Variants in ADAM33 observed in about 807,000 individuals in gnomAD.
ADAM33 encodes the protein ADAM metallopeptidase domain 33, also known as disintegrin and metalloproteinase domain-containing protein 33.
In ADAM33, 103 loss-of-function variants were observed where a neutral mutation model predicts 106.2. The observed-to-expected ratio is 0.97, with a 90% confidence interval of 0.83 to 1.14. The LOEUF is 1.14. ADAM33 is among the 50% of genes most tolerant of loss of function. The probability of loss-of-function intolerance (pLI) is 0.00; values close to 1 mark genes in which losing one functional copy is unlikely to be tolerated. For missense variants in ADAM33, 1,120 were observed against 1,096.6 expected, an observed-to-expected ratio of 1.02 and a Z score of -0.30; for synonymous variants, 483 against 453.0, an observed-to-expected ratio of 1.07 and a Z score of -0.84.
chr20:3,681,500 C>A (rs973724942), intron 1 of ADAM33, among the ~76,000 whole-genome samples: 1 of 152,154 alleles, frequency 6.6e-6, no homozygotes, highest in Non-Finnish European at 1.5e-5. Flanking sequence ...GAGGACGGAG[C>A]CCCGCTGAGT....
At position 3,679,543 on chromosome 20, in the gene ADAM33, CG is replaced by C; in HGVS notation, c.125del (p.Pro42ArgfsTer52). On this transcript the variant is annotated frameshift_variant, in exon 2 of 22. Transcript: ENST00000356518. LOFTEE classifies it high-confidence loss of function. Reference protein sequence around the residue: ...QGHIPGQPVTPHWVLDGQPWR... With the variant: ...QGHIPGQPVTXHWVLDGQPWR... The stretch of plus-strand genomic sequence containing the variant: ...AGGGTTGTCCATCCAGGACCCAGTG[CG>C]GGGTGACTGGCTGCCCAGGGATATG... The C allele has an allele frequency of 6.2e-7, 1 of 1,610,350 alleles. No individual in the cohort carries two copies. Among genetic ancestry groups the C allele is most frequent in the Non-Finnish European group, 8.5e-7 (1 of 1,178,506 alleles).
chr20:3,671,195 G>T (rs748854822), intron 18 of ADAM33, 42 bp from the exon 19 acceptor site: 1 of 1,612,638 alleles, frequency 6.2e-7, no homozygotes, highest in African/African-American at 1.3e-5. Context: ...CTGAGCAGGT[G>T]CACCACCCCA....
chr20:3,674,139 G>A lies in ADAM33; in HGVS notation c.667-4C>T, dbSNP rs570154635. 1.5e-5 allele frequency: 25 copies of A among 1,614,212 alleles called. No homozygotes were observed. The South Asian group carries it at 2.7e-4, about 18-fold the overall frequency. ...AGTTTCGGTGCCGAGTCAAGAACTGGGAAGGCAGAAATCCCGGTGGCTTGA... is the reference window on the plus strand; with the variant it reads ...AGTTTCGGTGCCGAGTCAAGAACTGAGAAGGCAGAAATCCCGGTGGCTTGA... On this transcript the variant is annotated splice_polypyrimidine_tract_variant and splice_region_variant and intron_variant, in intron 7 of 21. Transcript: ENST00000356518.
Position 3,673,629 on chromosome 20 carries a change from C to T in ADAM33, c.935G>A (p.Gly312Asp). ...TGRAFQGATVGLAPVEGMCRA... is the reference protein window; with the variant it reads ...TGRAFQGATVDLAPVEGMCRA... The stretch of plus-strand genomic sequence containing the variant: ...GCACATGCCCTCGACGGGCGCCAGG[C>T]CCACTGTGGCGCCCTGGAAGGCGCG... Residue 312 changes from glycine (G) to aspartate (D), a missense_variant, in exon 10 of 22, where the codon GGC becomes GAC. Gly to Asp is a moderately conservative substitution (Grantham distance 94, BLOSUM62 -1). Transcript: ENST00000356518. 1 of 1,354,800 alleles carries T rather than the reference C, an allele frequency of 7.4e-7. No homozygotes were observed. The highest frequency in any genetic ancestry group is 9.4e-7 in the Non-Finnish European group (1 of 1,060,840). The allele number at this position is 1,354,800 out of a possible 1,614,324, so 83.9% of individuals were successfully genotyped here.
At position 3,682,001 on chromosome 20, in the gene ADAM33, C is replaced by G. The variant is rs776906720; in HGVS notation, c.4G>C (p.Gly2Arg). M[G>R]WRPRRARGTP... ...CCCCGAGCTCTCCGGGGCCTCCAGC[C>G]CATAGCTGTGAGCTCCTCGGCCTCT... The change falls in exon 1 of 22, where the codon GGC becomes CGC. Residue 2 changes from glycine to arginine, a missense_variant. Transcript: ENST00000356518. 6.6e-7 allele frequency: 1 copy of G among 1,519,564 alleles called. No individual in the cohort carries two copies. Among genetic ancestry groups the G allele is most frequent in the Non-Finnish European group, 8.8e-7 (1 of 1,133,146 alleles). The allele number at this position is 1,519,564 out of a possible 1,614,324, so 94.1% of individuals were successfully genotyped here.
In ADAM33 at chr20:3,670,957, G is replaced by A; in HGVS notation, c.2240+49C>T. Reference sequence around the variant, plus strand: ...TCCCACAGCCCCAGCAGAGCTCTGAGGAGGGGAACCGCAGGAGTAGGCTCA... The same window carrying A: ...TCCCACAGCCCCAGCAGAGCTCTGAAGAGGGGAACCGCAGGAGTAGGCTCA... On this transcript the variant is annotated intron_variant, in intron 19 of 21. Transcript: ENST00000356518. 2.0e-6 allele frequency: 3 copies of A among 1,508,712 alleles called. No individual in the cohort carries two copies. The South Asian group carries it at 3.8e-5, about 19-fold the overall frequency. The allele number at this position is 1,508,712 out of a possible 1,614,324, so 93.5% of individuals were successfully genotyped here.
Position 3,668,563 on chromosome 20 carries a change from T to C in ADAM33, c.*400A>G. ...ACCATAGGGCCCCAGGACCACTAGCTTCTGGCCAGCAGTCATGCCCTCCAC... is the reference window on the plus strand; with the variant it reads ...ACCATAGGGCCCCAGGACCACTAGCCTCTGGCCAGCAGTCATGCCCTCCAC... On this transcript the variant is annotated 3_prime_UTR_variant, in exon 22 of 22. Transcript: ENST00000356518. The C allele has an allele frequency of 3.9e-6, 1 of 256,120 alleles. No homozygotes were observed. The highest frequency in any genetic ancestry group is 7.6e-6 in the Non-Finnish European group (1 of 131,082). The allele number at this position is 256,120 out of a possible 1,614,324, so 15.9% of individuals were successfully genotyped here.
At chr20:3,672,932 G>C in intron 11 of ADAM33, 34 bp from the exon 12 acceptor site, 2 of 1,513,842 alleles carry the variant, frequency 1.3e-6, no homozygotes, top group Non-Finnish European at 8.8e-7. Flanking sequence ...GGCATGGAGG[G>C]ACAGTCCCCC....
At position 3,671,421 on chromosome 20, in the gene ADAM33, C is replaced by T. The variant is rs368984072; in HGVS notation, c.1981G>A (p.Gly661Arg). ...QRCLTACHSH[G>R]VCNSNHNCHC... The stretch of plus-strand genomic sequence containing the variant: ...ACCCCCACTCCTCGGGCTCTCACCC[C>T]GTGGCTGTGGCAGGCAGTCAGGCAG... Residue 661 changes from glycine (G) to arginine (R), a missense_variant and splice_region_variant, in exon 17 of 22, where the codon GGG becomes AGG. Coordinates refer to ENST00000356518, the MANE Select transcript of ADAM33 (RefSeq NM_025220.5). 21 of 1,612,490 alleles carry T rather than the reference C, an allele frequency of 1.3e-5. No individual in the cohort carries two copies. Among genetic ancestry groups the T allele is most frequent in the African/African-American group, 8.0e-5 (6 of 74,932 alleles).
intron 3 of ADAM33, 34 bp downstream of exon 3, chr20:3,677,033 C>G (rs762631652): frequency 6.2e-7 from 1 of 1,608,126 alleles, no homozygotes; most frequent in Admixed American, 1.7e-5. Context: ...ACACTGATCC[C>G]CTCCTCCCAG....
rs1186251564 is a variant in ADAM33 at position 3,669,009 on chromosome 20, G to A, written c.2405-9C>T. The A allele has an allele frequency of 1.2e-6, 2 of 1,613,984 alleles. No homozygotes were observed. Among genetic ancestry groups the A allele is most frequent in the East Asian group, 2.2e-5 (1 of 44,872 alleles). ...CATCTGGACTTGATCTGCTGAGAAT[G>A]AGGAGGATATGTTGTCCCCTAAGGA... On this transcript the variant is annotated splice_polypyrimidine_tract_variant and intron_variant, in intron 21 of 21. Coordinates refer to ENST00000356518, the MANE Select transcript of ADAM33 (RefSeq NM_025220.5).
At position 3,674,030 on chromosome 20, in the gene ADAM33, C is replaced by A. The variant is rs1174491554; in HGVS notation, c.738+34G>T. The A allele has an allele frequency of 1.9e-6, 3 of 1,613,232 alleles. No homozygotes were observed. The African/African-American group carries it at 4.0e-5, about 22-fold the overall frequency. On this transcript the variant is annotated intron_variant, in intron 8 of 21. Coordinates refer to ENST00000356518, the MANE Select transcript of ADAM33 (RefSeq NM_025220.5). ...GCACCTGCCTGTCCTGCCGCCGCCA[C>A]CCCCATCACCGCTCTCTCCCCGCCG...
At chr20:3,673,051 A>G in intron 11 of ADAM33, 153 bp from the exon 12 acceptor site, 1 of 1,437,932 alleles carries the variant, frequency 7.0e-7, no homozygotes, top group Admixed American at 2.8e-5. Context: ...CAAGCGGGAC[A>G]GGGGACGATG....
intron 19 of ADAM33, chr20:3,670,748 A>C: frequency 2.1e-6 from 1 of 467,322 alleles, no homozygotes; most frequent in South Asian, 4.3e-5. Flanking sequence ...GAAGCAGGAG[A>C]GTGGACAAGA....
intron 13 of ADAM33, 72 bp from the exon 14 acceptor site, chr20:3,672,401 G>C (rs2087600083): frequency 1.3e-6 from 2 of 1,580,784 alleles, no homozygotes; most frequent in South Asian, 1.2e-5. Flanking sequence ...CCGAGAGCGC[G>C]GCTCGGAGCT....
intron 6 of ADAM33, 42 bp downstream of exon 6, chr20:3,674,462 T>G: frequency 6.2e-7 from 1 of 1,609,194 alleles, no homozygotes; most frequent in Non-Finnish European, 8.5e-7. Context: ...TGGAGGGCTA[T>G]AGATACAGCA....
At chr20:3,669,224 A>C in intron 21 of ADAM33, 75 bp downstream of exon 21, 1 of 1,297,838 alleles carries the variant, frequency 7.7e-7, no homozygotes, top group East Asian at 2.6e-5. Flanking sequence ...ATTAGGGGGC[A>C]GCAAACTGAG....
At chr20:3,672,515 C>G (rs370574211) in intron 13 of ADAM33, 22 bp downstream of exon 13, 31 of 1,611,346 alleles carry the variant, frequency 1.9e-5, no homozygotes, top group Non-Finnish European at 2.5e-5. Flanking sequence ...AAACCCTCAC[C>G]CTGAACCTTC....
chr20:3,671,243 C>G lies in ADAM33; in HGVS notation c.2086G>C (p.Ala696Pro), dbSNP rs1372046885. 1 of 1,613,792 alleles carries G rather than the reference C, an allele frequency of 6.2e-7. No homozygotes were observed. The highest frequency in any genetic ancestry group is 8.5e-7 in the Non-Finnish European group (1 of 1,179,862). ...GGSMDSGPVQ[A>P]ENHDTFLLAM... Reference sequence around the variant, plus strand: ...ATGCCCCCCACTGGCATACTTTCAGCCTGCACAGGGCCACTGTCCATGCTG... The same window carrying G: ...ATGCCCCCCACTGGCATACTTTCAGGCTGCACAGGGCCACTGTCCATGCTG... The change falls in exon 18 of 22, where the codon GCT becomes CCT. Residue 696 changes from alanine (A) to proline (P), a missense_variant. Ala to Pro is a conservative substitution (Grantham distance 27). Transcript: ENST00000356518.
Sources: allele counts gnomAD v4.1 joint callset (sites outside exome capture counted in the v4.1 genomes callset), GRCh38; gene constraint gnomAD v4.1.1; transcripts MANE v1.5; gene names NCBI Gene and HGNC (gene_info 2026-07-23, HGNC 2026-07-21).